PRKN: variants seen among roughly 807,000 people sequenced by gnomAD.
PRKN encodes parkin RBR E3 ubiquitin protein ligase.
In PRKN, 56 loss-of-function variants were observed where a neutral mutation model predicts 59.5. The ratio of observed to expected loss-of-function variants is 0.94; its 90% CI spans 0.76 to 1.18. PRKN has a LOEUF of 1.18. Among genes scored for constraint, PRKN ranks in the 50% most tolerant of loss-of-function variants. The pLI is 0.00. For synonymous variants in PRKN, 250 were observed against 222.1 expected (o/e 1.13, Z -1.12); for missense variants, 657 against 596.4 (o/e 1.10, Z -1.06).
At position 161,498,674 on chromosome 6, in the gene PRKN, G is replaced by A. The variant is rs75955168; in HGVS notation, c.1083+50180C>T. 3.8e-3 allele frequency among the ~76,000 whole-genome samples: 578 copies of A among 152,256 alleles called. 22 individuals carry two copies. The East Asian group carries it at 0.11, about 28-fold the overall frequency. ...CCACCTGCCGACCCTGATGGAGAAC[G>A]AGGTCACATCAGTCTCCCTGCCAAC... On this transcript the variant is annotated intron_variant, in intron 9 of 11. Coordinates refer to ENST00000366898, the MANE Select transcript of PRKN (RefSeq NM_004562.3). This position sits in a 1 kb window ranked among gnomAD's most constrained non-coding sequence, Gnocchi z 4.2.
chr6:162,444,026 G>C (rs1178422154), intron 1 of PRKN, among the ~76,000 whole-genome samples: 1 of 152,056 alleles, frequency 6.6e-6, no homozygotes, highest in Non-Finnish European at 1.5e-5. Flanking sequence ...ACAATTATTT[G>C]CCCTCTTTTT....
chr6:161,606,604 T>C (rs1052443790), intron 7 of PRKN, among the ~76,000 whole-genome samples: 2 of 152,242 alleles, frequency 1.3e-5, no homozygotes, highest in African/African-American at 2.4e-5. Flanking sequence ...AATCAAATCA[T>C]AGAACACAGA....
chr6:161,611,612 G>A (rs1263772275), intron 7 of PRKN, among the ~76,000 whole-genome samples: 1 of 152,194 alleles, frequency 6.6e-6, no homozygotes, highest in East Asian at 1.9e-4. Context: ...TGTTGTGTGT[G>A]TTCTGACTGC....
intron 7 of PRKN, among the ~76,000 whole-genome samples, chr6:161,597,133 G>A (rs980564450): frequency 2.2e-4 from 34 of 152,156 alleles, no homozygotes; most frequent in Non-Finnish European, 4.1e-4. Context: ...GTGATGAGAT[G>A]TTATCTTGAG....
chr6:161,427,003 G>A (rs1320072751), intron 9 of PRKN, among the ~76,000 whole-genome samples: 1 of 151,988 alleles, frequency 6.6e-6, no homozygotes, highest in Admixed American at 6.6e-5. Flanking sequence ...ACAGGCGTGA[G>A]CCACTACTCC....
At position 161,988,633 on chromosome 6, in the gene PRKN, GAA is replaced by G. The variant is rs534594716; in HGVS notation, c.619-15218_619-15217del. On this transcript the variant is annotated intron_variant, in intron 5 of 11. Coordinates refer to ENST00000366898, the MANE Select transcript of PRKN (RefSeq NM_004562.3). ...TAAAATTTAATTAAAAGCTAAAAAAGAAGAGTAAAAACAGAGAAAACCTATTA... is the reference window on the plus strand; with the variant it reads ...TAAAATTTAATTAAAAGCTAAAAAAGGAGTAAAAACAGAGAAAACCTATTA... Among the ~76,000 whole-genome samples the G allele has an allele frequency of 1.4e-4, 21 of 152,074 alleles. No individual in the cohort carries two copies. In the East Asian group the frequency reaches 3.5e-3, roughly 25 times the overall value.
chr6:161,890,189 T>C (rs889927625), intron 6 of PRKN, among the ~76,000 whole-genome samples: 3 of 152,088 alleles, frequency 2.0e-5, no homozygotes, highest in African/African-American at 7.2e-5. Flanking sequence ...AATGTTATCT[T>C]ACTTCCTAGC....
chr6:161,861,637 TAG>T (rs1348720336), intron 6 of PRKN, among the ~76,000 whole-genome samples: 5 of 148,996 alleles, frequency 3.4e-5, no homozygotes, highest in Non-Finnish European at 7.4e-5. Flanking sequence ...AAAAAAACCT[TAG>T]AGTCGTCAGT....
chr6:161,382,537 A>T (rs1043904564), intron 10 of PRKN, among the ~76,000 whole-genome samples: 2 of 152,222 alleles, frequency 1.3e-5, no homozygotes, highest in African/African-American at 2.4e-5. Context: ...GAACCAGTTT[A>T]TGTGGCTTTT....
At chr6:162,282,152 G>C (rs778233322) in intron 2 of PRKN, among the ~76,000 whole-genome samples, 2 of 152,176 alleles carry the variant, frequency 1.3e-5, no homozygotes, top group African/African-American at 4.8e-5. Flanking sequence ...CCCTGGTATA[G>C]AGCAACGCAT....
chr6:162,569,503 G>A (rs1780221560), intron 1 of PRKN: 1 of 696,592 alleles, frequency 1.4e-6, no homozygotes, highest in Non-Finnish European at 2.7e-6. Flanking sequence ...TGCAGAACAT[G>A]AGTATCCATA....
In PRKN at chr6:162,621,284, G is replaced by A. The variant is rs913570637; in HGVS notation, c.7+106378C>T. 2.0e-5 allele frequency among the ~76,000 whole-genome samples: 3 copies of A among 152,272 alleles called. No homozygotes were observed. In the East Asian group the frequency reaches 5.8e-4, roughly 29 times the overall value. On this transcript the variant is annotated intron_variant, in intron 1 of 11. Coordinates refer to ENST00000366898, the MANE Select transcript of PRKN (RefSeq NM_004562.3). ...GGACAGTACTAAAGGAAAGTAAGTA[G>A]CGACTTGAAAATGCCCCTGCCTTGG...
At chr6:162,532,054 G>C (rs35509683) in intron 1 of PRKN, among the ~76,000 whole-genome samples, 1 of 151,140 alleles carries the variant, frequency 6.6e-6, no homozygotes, top group Non-Finnish European at 1.5e-5. Flanking sequence ...GGTTCTTAGC[G>C]TCAACCACAT....
At chr6:162,633,817 C>T (rs1230758579) in intron 1 of PRKN, among the ~76,000 whole-genome samples, 1 of 152,044 alleles carries the variant, frequency 6.6e-6, no homozygotes, top group African/African-American at 2.4e-5. Flanking sequence ...ACGTGTGTAG[C>T]TAGATGAGCT....
chr6:162,378,108 T>C (rs1454997094), intron 2 of PRKN, among the ~76,000 whole-genome samples: 2 of 152,298 alleles, frequency 1.3e-5, no homozygotes, highest in African/African-American at 4.8e-5. Context: ...GGTTTACAAA[T>C]GTAAGGTAAG....
intron 2 of PRKN, among the ~76,000 whole-genome samples, chr6:162,302,673 T>A (rs910479770): frequency 6.6e-6 from 1 of 152,000 alleles, no homozygotes; most frequent in East Asian, 1.9e-4. Context: ...TTGATTTCAA[T>A]CTTGTGGCAC....
At chr6:162,021,363 C>T (rs1427179168) in intron 5 of PRKN, among the ~76,000 whole-genome samples, 1 of 146,432 alleles carries the variant, frequency 6.8e-6, no homozygotes, top group East Asian at 2.0e-4. Context: ...AATTCAAGGT[C>T]ATCCAATCCC....
rs775206657 is a variant in PRKN, at chr6:161,562,960, G to A, written c.933+6395C>T. 3.9e-4 allele frequency among the ~76,000 whole-genome samples: 60 copies of A among 152,246 alleles called. 1 individual carries two copies. Among genetic ancestry groups the A allele is most frequent in the Non-Finnish European group, 6.6e-4 (45 of 67,996 alleles). On this transcript the variant is annotated intron_variant, in intron 8 of 11. Transcript: ENST00000366898. This position sits in a 1 kb window ranked among gnomAD's most constrained non-coding sequence, Gnocchi z 4.3. ...TAACCCTGGTGTCCTTGGTCCAGGT[G>A]GCCTTCATCTTTTGGCACTGTCCTT...
At chr6:161,724,114 G>C (rs1787342413) in intron 7 of PRKN, among the ~76,000 whole-genome samples, 1 of 152,134 alleles carries the variant, frequency 6.6e-6, no homozygotes, top group South Asian at 2.1e-4. Context: ...GCAATGTCTA[G>C]ATTTAAGGGT....
Sources: gnomAD v4.1 joint callset for allele counts (sites outside exome capture counted in the v4.1 genomes callset) on GRCh38, gnomAD v4.1.1 for gene constraint, Gnocchi (gnomAD v3.1) non-coding constraint, MANE v1.5 for transcripts, NCBI Gene and HGNC (gene_info 2026-07-23, HGNC 2026-07-21) for gene names.